Variants in XYLT1 observed in about 807,000 individuals in gnomAD.
XYLT1 encodes xylosyltransferase 1, also known as beta-D-xylosyltransferase 1.
Under a neutral mutation model 91.3 loss-of-function variants are expected in XYLT1, and 36 were observed. The observed-to-expected ratio is 0.39, with a 90% CI of 0.30 to 0.52. The LOEUF (loss-of-function observed/expected upper bound fraction) is 0.52, where lower values mean the gene tolerates loss of function less well. Among genes scored for constraint, XYLT1 ranks in the 20% least tolerant of loss-of-function variants. XYLT1 has a pLI of 0.68. For missense variants in XYLT1, 1,242 were observed against 1,284.5 expected (o/e 0.97, Z 0.51); for synonymous variants, 588 against 532.0 (o/e 1.11, Z -1.45).
chr16:17,391,974 G>C (rs1481072035), intron 1 of XYLT1, among the ~76,000 whole-genome samples: 7 of 152,174 alleles, frequency 4.6e-5, no homozygotes, highest in Non-Finnish European at 1.0e-4. Context: ...CATGTGGAAC[G>C]TTGAGTCAGT....
rs553804391 is a variant in XYLT1 at position 17,458,851 on chromosome 16, T to A, written c.363+11583A>T. 2.0e-3 allele frequency among the ~76,000 whole-genome samples: 300 copies of A among 152,236 alleles called. 1 individual carries two copies. Among genetic ancestry groups the A allele is most frequent in the African/African-American group, 6.7e-3 (280 of 41,552 alleles). The stretch of plus-strand genomic sequence containing the variant: ...TTTTGATTGGCTGGTTATATTTCTG[T>A]ATTTTCCATAATATACATTTAAAGA... On this transcript the variant is annotated intron_variant, in intron 1 of 11. Coordinates refer to ENST00000261381, the MANE Select transcript of XYLT1 (RefSeq NM_022166.4).
rs559580899 is a variant in XYLT1 at position 17,187,311 on chromosome 16, T to TGAACTCGGGAGGC, written c.1289+10900_1289+10901insGCCTCCCGAGTTC. Among the ~76,000 whole-genome samples the TGAACTCGGGAGGC allele has an allele frequency of 4.3e-3, 641 of 149,640 alleles. 7 individuals are homozygous for TGAACTCGGGAGGC. The highest frequency in any genetic ancestry group is 0.015 in the African/African-American group (601 of 40,472). The stretch of plus-strand genomic sequence containing the variant: ...CGGGAGGCTGAAGCAGGAGATTCCC[T>TGAACTCGGGAGGC]TGAACCAGGGAGGCGGAGCTTGCAA... On this transcript the variant is annotated intron_variant, in intron 5 of 11. Coordinates refer to ENST00000261381, the MANE Select transcript of XYLT1 (RefSeq NM_022166.4).
At chr16:17,438,211 C>A (rs985477104) in intron 1 of XYLT1, among the ~76,000 whole-genome samples, 2 of 152,132 alleles carry the variant, frequency 1.3e-5, no homozygotes, top group African/African-American at 4.8e-5. Context: ...CGAACCTAAT[C>A]GCAGAGGAAA....
rs1223183353 is a variant in XYLT1, at chr16:17,141,214, GAGA to G, written c.1523_1525del (p.Phe508del). On this transcript the variant is annotated inframe_deletion, in exon 7 of 12. Transcript: ENST00000261381. Reference sequence around the variant, plus strand: ...CATCTTGGTCACCAGATCGTCTGTGGAGAAGGTCACATATTCTACAAACCTCCG... The same window carrying G: ...CATCTTGGTCACCAGATCGTCTGTGGAGGTCACATATTCTACAAACCTCCG... 6 of 1,614,190 alleles carry G rather than the reference GAGA, an allele frequency of 3.7e-6. No homozygotes were observed. The East Asian group carries it at 1.3e-4, about 36-fold the overall frequency.
At chr16:17,173,596 G>T (rs770884140) in intron 5 of XYLT1, among the ~76,000 whole-genome samples, 6 of 152,272 alleles carry the variant, frequency 3.9e-5, no homozygotes, top group Non-Finnish European at 7.3e-5. Context: ...CAGGGACAAA[G>T]GTTGAATGCA....
chr16:17,415,641 G>A (rs1210722793), intron 1 of XYLT1, among the ~76,000 whole-genome samples: 1 of 152,084 alleles, frequency 6.6e-6, no homozygotes, highest in Non-Finnish European at 1.5e-5. Context: ...GCAGTGAGCT[G>A]AGATAGCACC....
At chr16:17,344,825 C>T (rs1438110605) in intron 2 of XYLT1, among the ~76,000 whole-genome samples, 5 of 152,066 alleles carry the variant, frequency 3.3e-5, no homozygotes, top group South Asian at 2.1e-4. Context: ...CTCAGCCTCC[C>T]GAGTAGCTGG....
At chr16:17,298,908 T>C (rs552839120) in intron 2 of XYLT1, among the ~76,000 whole-genome samples, 3 of 152,296 alleles carry the variant, frequency 2.0e-5, no homozygotes, top group Admixed American at 2.0e-4. Context: ...CCTCTAATTA[T>C]GTTGCTCCTC....
intron 5 of XYLT1, among the ~76,000 whole-genome samples, chr16:17,188,424 A>G (rs1362135541): frequency 2.0e-5 from 3 of 151,960 alleles, no homozygotes; most frequent in Non-Finnish European, 4.4e-5. Flanking sequence ...CTTATGTTTC[A>G]CCCATAGTTG....
chr16:17,426,763 C>T (rs2141927933), intron 1 of XYLT1, among the ~76,000 whole-genome samples: 1 of 152,258 alleles, frequency 6.6e-6, no homozygotes, highest in East Asian at 1.9e-4. Flanking sequence ...CATAAGCCTA[C>T]AATATTTCCT....
At chr16:17,179,098 C>T (rs1033256842) in intron 5 of XYLT1, among the ~76,000 whole-genome samples, 2 of 151,084 alleles carry the variant, frequency 1.3e-5, no homozygotes, top group Admixed American at 6.6e-5. Flanking sequence ...GTTGAATGAA[C>T]GGAGCTGGAG....
intron 5 of XYLT1, among the ~76,000 whole-genome samples, chr16:17,190,780 C>T (rs894641763): frequency 5.9e-5 from 9 of 152,000 alleles, no homozygotes; most frequent in African/African-American, 2.2e-4. Flanking sequence ...TTTAAAGCAG[C>T]ATGATTTATA....
At chr16:17,283,180 G>A (rs559782600) in intron 2 of XYLT1, among the ~76,000 whole-genome samples, 5 of 152,304 alleles carry the variant, frequency 3.3e-5, no homozygotes, top group South Asian at 2.1e-4. Flanking sequence ...AGACTGGCAC[G>A]TCTGGAGGCA....
intron 2 of XYLT1, among the ~76,000 whole-genome samples, chr16:17,265,822 A>G (rs1439873160): frequency 2.8e-5 from 3 of 105,478 alleles, no homozygotes; most frequent in African/African-American, 1.1e-4. Context: ...CCTTGCTCCC[A>G]TTTCTGAGGG....
intron 5 of XYLT1, among the ~76,000 whole-genome samples, chr16:17,178,284 G>T (rs1292608857): frequency 6.6e-6 from 1 of 152,112 alleles, no homozygotes; most frequent in Non-Finnish European, 1.5e-5. Flanking sequence ...TAAAATAAAG[G>T]GAGCCTGCTG....
intron 1 of XYLT1, among the ~76,000 whole-genome samples, chr16:17,396,567 T>C (rs931583507): frequency 1.3e-5 from 2 of 152,008 alleles, no homozygotes. Flanking sequence ...GGTGTTAGGG[T>C]AGTACATAAA....
chr16:17,371,789 G>A (rs1276545260), intron 1 of XYLT1, among the ~76,000 whole-genome samples: 1 of 152,212 alleles, frequency 6.6e-6, no homozygotes, highest in African/African-American at 2.4e-5. Flanking sequence ...GTATAGCCAT[G>A]GCTAGTTTTC....
intron 5 of XYLT1, among the ~76,000 whole-genome samples, chr16:17,179,919 GC>G (rs1400725276): frequency 6.6e-6 from 1 of 152,142 alleles, no homozygotes; most frequent in Non-Finnish European, 1.5e-5. Context: ...ACTGCAAGCG[GC>G]CCACAGGCCA....
chr16:17,289,060 G>A (rs577889934), intron 2 of XYLT1, among the ~76,000 whole-genome samples: 30 of 152,244 alleles, frequency 2.0e-4, no homozygotes, highest in African/African-American at 7.0e-4. Flanking sequence ...TTTCATCCAC[G>A]ATGATCTATA....
Sources: allele counts gnomAD v4.1 joint callset (sites outside exome capture counted in the v4.1 genomes callset), GRCh38; gene constraint gnomAD v4.1.1; transcripts MANE v1.5; gene names NCBI Gene and HGNC (gene_info 2026-07-23, HGNC 2026-07-21).